GNA15: variants seen among roughly 807,000 people sequenced by gnomAD.
GNA15 encodes G protein subunit alpha 15, also known as guanine nucleotide-binding protein subunit alpha-15.
Under a neutral mutation model 40.1 loss-of-function variants are expected in GNA15, and 23 were observed. The ratio of observed to expected loss-of-function variants is 0.57; its 90% CI spans 0.41 to 0.81. The LOEUF (loss-of-function observed/expected upper bound fraction) is 0.81. Ranked by LOEUF, GNA15 falls within the 40% of genes least tolerant of loss-of-function variation. GNA15 has a pLI of 0.00. For missense variants in GNA15, 522 were observed against 515.8 expected, an observed-to-expected ratio of 1.01 and a Z score of -0.12; for synonymous variants, 226 against 210.4, an observed-to-expected ratio of 1.07 and a Z score of -0.64.
At chr19:3,144,636 C>T (rs1914657219) in intron 1 of GNA15, among the ~76,000 whole-genome samples, 2 of 151,244 alleles carry the variant, frequency 1.3e-5, no homozygotes, top group South Asian at 2.1e-4. Context: ...TCACGCCATT[C>T]TCCTGCCTCA....
chr19:3,162,974 G>A lies in GNA15; in HGVS notation c.1080G>A (p.Arg360=). The A allele has an allele frequency of 6.2e-7, 1 of 1,614,052 alleles. No homozygotes were observed. Among genetic ancestry groups the A allele is most frequent in the Non-Finnish European group, 8.5e-7 (1 of 1,179,948 alleles). The part of the protein sequence containing the change: ...QNIRKVFKDV[R]DSVLARYLDE... ...TCCGCAAGGTCTTCAAGGACGTGCG[G>A]GACTCGGTGCTCGCCCGCTACCTGG... The change falls in exon 7 of 7, where the codon CGG becomes CGA. Residue 360 remains arginine (R), a synonymous_variant. Transcript: ENST00000262958.
chr19:3,147,327 C>A (rs949605206), intron 1 of GNA15, among the ~76,000 whole-genome samples: 1 of 145,836 alleles, frequency 6.9e-6, no homozygotes, highest in African/African-American at 2.5e-5. Flanking sequence ...CCGAGGCAGA[C>A]GGATCACTTG....
At chr19:3,156,585 C>A (rs62127303) in intron 5 of GNA15, among the ~76,000 whole-genome samples, 2 of 152,060 alleles carry the variant, frequency 1.3e-5, no homozygotes, top group Non-Finnish European at 1.5e-5. Flanking sequence ...CTCCGCCTCC[C>A]GGGTTCACAC....
chr19:3,157,407 G>T (rs964555640), intron 5 of GNA15, among the ~76,000 whole-genome samples: 3 of 152,236 alleles, frequency 2.0e-5, no homozygotes, highest in African/African-American at 7.2e-5. Flanking sequence ...CAGGCCAGGT[G>T]CAGTGGTTCA....
chr19:3,151,463 G>C lies in GNA15; in HGVS notation c.486-244G>C, dbSNP rs1228581015. Among the ~76,000 whole-genome samples, 1 of 152,142 alleles carries C rather than the reference G, an allele frequency of 6.6e-6. No homozygotes were observed. Among genetic ancestry groups the C allele is most frequent in the African/African-American group, 2.4e-5 (1 of 41,426 alleles). ...CTCCCGGGGGACACCACTCCTCGAT[G>C]AGGCCATTCCTCATGTCACGCCATC... is the stretch of plus-strand genomic sequence containing the variant. On this transcript the variant is annotated intron_variant, in intron 3 of 6. Transcript: ENST00000262958. This position sits in a 1 kb window ranked among gnomAD's most constrained non-coding sequence, Gnocchi z 5.0.
chr19:3,149,858 T>G (rs1370157185), intron 2 of GNA15: 1 of 384,310 alleles, frequency 2.6e-6, no homozygotes. Context: ...CGGGGCTGGG[T>G]GCCATGCTCC....
intron 1 of GNA15, among the ~76,000 whole-genome samples, chr19:3,143,673 A>T (rs1688125): frequency 0.18 from 26,661 of 151,730 alleles, 2,535 homozygotes; most frequent in African/African-American, 0.25. Context: ...ATAATAATAA[A>T]AAATAAAAGC....
intron 6 of GNA15, among the ~76,000 whole-genome samples, chr19:3,161,744 C>T (rs536682393): frequency 1.3e-5 from 2 of 152,322 alleles, no homozygotes; most frequent in South Asian, 4.2e-4. Context: ...GCCCTACCCT[C>T]CACTGTGCTA....
chr19:3,149,335 GCACACA>G (rs746557630), intron 2 of GNA15: 16 of 160,288 alleles, frequency 1.0e-4, no homozygotes, highest in African/African-American at 3.4e-4. Context: ...ATTCCCACAT[GCACACA>G]CACACATGCA....
chr19:3,148,940 GAC>G, intron 2 of GNA15, 165 bp downstream of exon 2: 1 of 633,322 alleles, frequency 1.6e-6, no homozygotes, highest in East Asian at 2.8e-5. Flanking sequence ...ATGTCCTCCA[GAC>G]ATATGTGCAT....
At position 3,153,942 on chromosome 19, in the gene GNA15, T is replaced by C. The variant is rs139796982; in HGVS notation, c.615-1881T>C. Among the ~76,000 whole-genome samples, 916 of 148,210 alleles carry C rather than the reference T, an allele frequency of 6.2e-3. 8 individuals carry two copies. The highest frequency in any genetic ancestry group is 0.022 in the African/African-American group (879 of 39,808). On this transcript the variant is annotated intron_variant, in intron 4 of 6. Transcript: ENST00000262958. Reference sequence around the variant, plus strand: ...ATGGGTGGACGAGTGAGTGGATAGATGGGTAGATGGATGTATGAGTAGATG... The same window carrying C: ...ATGGGTGGACGAGTGAGTGGATAGACGGGTAGATGGATGTATGAGTAGATG...
rs1555705063 is a variant in GNA15 at position 3,140,044 on chromosome 19, A to ATCT, written c.145+3449_145+3450insTCT. On this transcript the variant is annotated intron_variant, in intron 1 of 6. Coordinates refer to ENST00000262958, the MANE Select transcript of GNA15 (RefSeq NM_002068.4). ...GTGAAACTCCATCTCAAAAAAAAAA[A>ATCT]ATCTATCTATCTATCTATCTATCTA... Among the ~76,000 whole-genome samples, 289 of 124,090 alleles carry ATCT rather than the reference A, an allele frequency of 2.3e-3. 6 individuals are homozygous for ATCT. Among genetic ancestry groups the ATCT allele is most frequent in the African/African-American group, 7.3e-3 (251 of 34,294 alleles). 81.4% of individuals were successfully genotyped at this position (124,090 alleles called of 152,430 possible).
intron 5 of GNA15, among the ~76,000 whole-genome samples, chr19:3,157,075 G>A (rs968369568): frequency 6.6e-6 from 1 of 151,884 alleles, no homozygotes; most frequent in African/African-American, 2.4e-5. Flanking sequence ...TCAGCTCACT[G>A]CAACCTCCGC....
At chr19:3,149,988 G>C (rs955719492) in intron 2 of GNA15, 143 bp from the exon 3 acceptor site, 2 of 653,682 alleles carry the variant, frequency 3.1e-6, no homozygotes, top group African/African-American at 3.7e-5. Context: ...AAGTGTGCGG[G>C]GGGGTCGGGA....
Position 3,136,701 on chromosome 19 carries a change from C to T in GNA15, c.145+106C>T, listed in dbSNP as rs1484751367. On this transcript the variant is annotated intron_variant, in intron 1 of 6. Coordinates refer to ENST00000262958, the MANE Select transcript of GNA15 (RefSeq NM_002068.4). The surrounding 1 kb of genome is among the most constrained non-coding windows in gnomAD (Gnocchi z 4.9). ...ATCAGGCTAGGTCAGACATTGGCAT[C>T]GTGGAGCCGTCGCCTCCTCCCAGGG... The T allele has an allele frequency of 5.1e-6, 5 of 984,956 alleles. No homozygotes were observed. Among genetic ancestry groups the T allele is most frequent in the Admixed American group, 2.6e-5 (1 of 38,194 alleles). The allele number at this position is 984,956 out of a possible 1,614,324, so 61.0% of individuals were successfully genotyped here. A position where few individuals can be genotyped will look rare whatever the true frequency, so the allele number is the denominator to read the frequency against.
At chr19:3,142,752 A>G (rs1406971734) in intron 1 of GNA15, among the ~76,000 whole-genome samples, 1 of 152,066 alleles carries the variant, frequency 6.6e-6, no homozygotes, top group East Asian at 1.9e-4. Context: ...CACGCCTCTA[A>G]TCCCAGCTGC....
chr19:3,150,738 G>A lies in GNA15; in HGVS notation c.485+453G>A, dbSNP rs1005606440. On this transcript the variant is annotated intron_variant, in intron 3 of 6. Coordinates refer to ENST00000262958, the MANE Select transcript of GNA15 (RefSeq NM_002068.4). ...GGGTGACCCTGTTCCTGGGGGAACC[G>A]TATTCCTAGAGTGACCCTGTTCTTG... Among the ~76,000 whole-genome samples the A allele has an allele frequency of 1.8e-4, 27 of 149,862 alleles. No individual in the cohort carries two copies. In the East Asian group the frequency reaches 5.0e-3, roughly 28 times the overall value.
At chr19:3,148,568 C>G in intron 1 of GNA15, 23 bp from the exon 2 acceptor site, 2 of 1,540,444 alleles carry the variant, frequency 1.3e-6, no homozygotes, top group Non-Finnish European at 1.8e-6. Flanking sequence ...GAGGGCTGAG[C>G]GGTTCTGCTG....
In GNA15 at chr19:3,140,051, C is replaced by CTATCTATCTATCTATCTATCTATCTATG. The variant is rs1568292390; in HGVS notation, c.145+3483_145+3484insGTATCTATCTATCTATCTATCTATCTAT. 3.9e-4 allele frequency among the ~76,000 whole-genome samples: 58 copies of CTATCTATCTATCTATCTATCTATCTATG among 148,748 alleles called. 1 individual carries two copies. Among genetic ancestry groups the CTATCTATCTATCTATCTATCTATCTATG allele is most frequent in the Middle Eastern group, 6.9e-3 (2 of 290 alleles). ...TCCATCTCAAAAAAAAAAAATCTAT[C>CTATCTATCTATCTATCTATCTATCTATG]TATCTATCTATCTATCTATCTATCT... On this transcript the variant is annotated intron_variant, in intron 1 of 6. Coordinates refer to ENST00000262958, the MANE Select transcript of GNA15 (RefSeq NM_002068.4).
Sources: allele counts gnomAD v4.1 joint callset (sites outside exome capture counted in the v4.1 genomes callset), GRCh38; gene constraint gnomAD v4.1.1; non-coding constraint Gnocchi (gnomAD v3.1); transcripts MANE v1.5; gene names NCBI Gene and HGNC (gene_info 2026-07-23, HGNC 2026-07-21).